Variants in KCNH1 observed in about 807,000 individuals in gnomAD.
The protein encoded by KCNH1 is voltage-gated delayed rectifier potassium channel KCNH1.
In KCNH1, 27 loss-of-function variants were observed where a neutral mutation model predicts 69.2. The observed-to-expected ratio is 0.39, with a 90% CI of 0.29 to 0.54. KCNH1 has a LOEUF of 0.54. Ranked by LOEUF, KCNH1 falls within the 20% of genes least tolerant of loss-of-function variation. The pLI is 0.68. For synonymous variants in KCNH1, 456 were observed against 487.7 expected (o/e 0.93, Z 0.86); for missense variants, 798 against 1,261.6 (o/e 0.63, Z 5.57).
At chr1:211,028,805 G>C (rs529737121) in intron 5 of KCNH1, among the ~76,000 whole-genome samples, 1 of 151,868 alleles carries the variant, frequency 6.6e-6, no homozygotes. Context: ...AGGCCCAGAT[G>C]GTTTTAATAA....
At chr1:211,126,873 A>C (rs1242567321) in intron 1 of KCNH1, among the ~76,000 whole-genome samples, 1 of 152,158 alleles carries the variant, frequency 6.6e-6, no homozygotes, top group African/African-American at 2.4e-5. Flanking sequence ...CCTCAACTGC[A>C]TCAGAACAAA....
chr1:210,710,253 A>G (rs1450089314), intron 10 of KCNH1, among the ~76,000 whole-genome samples: 2 of 152,198 alleles, frequency 1.3e-5, no homozygotes, highest in Non-Finnish European at 2.9e-5. Flanking sequence ...TGTATAGGGC[A>G]CTTAGCAAGA....
intron 6 of KCNH1, among the ~76,000 whole-genome samples, chr1:210,974,402 T>C (rs1215545005): frequency 6.6e-6 from 1 of 152,102 alleles, no homozygotes; most frequent in Admixed American, 6.6e-5. Flanking sequence ...TAATTCTTTT[T>C]ACATGTTGCC....
intron 6 of KCNH1, among the ~76,000 whole-genome samples, chr1:210,940,499 G>C (rs1558533967): frequency 6.6e-6 from 1 of 152,212 alleles, no homozygotes; most frequent in Non-Finnish European, 1.5e-5. Context: ...AAATGGGATA[G>C]CTTGCAACCT....
chr1:210,889,098 CA>C (rs1019171791), intron 7 of KCNH1, among the ~76,000 whole-genome samples: 2 of 151,910 alleles, frequency 1.3e-5, no homozygotes, highest in East Asian at 1.9e-4. Flanking sequence ...AGAGACACAA[CA>C]AAAAAAGAAA....
At chr1:210,943,181 T>C (rs1328359767) in intron 6 of KCNH1, among the ~76,000 whole-genome samples, 1 of 152,130 alleles carries the variant, frequency 6.6e-6, no homozygotes, top group African/African-American at 2.4e-5. Context: ...ATCAGACTTT[T>C]GAAAACAAAC....
At chr1:210,796,072 G>A (rs1047906168) in intron 9 of KCNH1, among the ~76,000 whole-genome samples, 5 of 150,380 alleles carry the variant, frequency 3.3e-5, no homozygotes, top group East Asian at 2.0e-4. Context: ...GGAGAATGGC[G>A]TGAACCTGGA....
intron 7 of KCNH1, chr1:210,860,505 G>T: frequency 1.2e-6 from 1 of 841,092 alleles, no homozygotes; most frequent in Non-Finnish European, 2.1e-6. Flanking sequence ...GCCCTGTCTG[G>T]ATTACTTGGC....
intron 1 of KCNH1, among the ~76,000 whole-genome samples, chr1:211,110,761 T>C (rs1330187684): frequency 6.6e-6 from 1 of 151,894 alleles, no homozygotes; most frequent in Non-Finnish European, 1.5e-5. Context: ...CAAAGATAAA[T>C]AAGAGAGTAA....
At chr1:210,718,329 T>G (rs1348843550) in intron 10 of KCNH1, among the ~76,000 whole-genome samples, 2 of 31,814 alleles carry the variant, frequency 6.3e-5, no homozygotes, top group East Asian at 1.1e-3. Context: ...TAAATATATA[T>G]AAATATATGT....
chr1:211,087,864 GA>G (rs1263315423), intron 4 of KCNH1, among the ~76,000 whole-genome samples: 1 of 152,134 alleles, frequency 6.6e-6, no homozygotes, highest in Non-Finnish European at 1.5e-5. Flanking sequence ...GGGGGCTCTG[GA>G]AGCATTTGCA....
chr1:210,968,836 G>A (rs931899283), intron 6 of KCNH1, among the ~76,000 whole-genome samples: 2 of 151,994 alleles, frequency 1.3e-5, no homozygotes, highest in East Asian at 1.9e-4. Flanking sequence ...CACTCTGATG[G>A]TAGTTTCTTG....
At chr1:210,889,806 G>T (rs1686705505) in intron 7 of KCNH1, among the ~76,000 whole-genome samples, 1 of 152,088 alleles carries the variant, frequency 6.6e-6, no homozygotes, top group Non-Finnish European at 1.5e-5. Context: ...ACTACAAAGA[G>T]AATAAAATAC....
intron 5 of KCNH1, among the ~76,000 whole-genome samples, chr1:211,041,712 T>A (rs905271234): frequency 6.6e-6 from 1 of 152,116 alleles, no homozygotes; most frequent in Non-Finnish European, 1.5e-5. Flanking sequence ...CTACCTAATC[T>A]GAACCCTTCT....
chr1:210,839,158 C>A (rs1190422361), intron 7 of KCNH1, among the ~76,000 whole-genome samples: 2 of 152,138 alleles, frequency 1.3e-5, no homozygotes, highest in Admixed American at 1.3e-4. Flanking sequence ...TGGAATCAAC[C>A]TGAATGTCCA....
intron 3 of KCNH1, among the ~76,000 whole-genome samples, chr1:211,100,500 C>T (rs532016925): frequency 3.2e-4 from 49 of 152,090 alleles, no homozygotes; most frequent in Non-Finnish European, 5.9e-4. Flanking sequence ...TACAGGCACC[C>T]GCCACCACAC....
At chr1:210,911,901 CT>C (rs766468341) in intron 7 of KCNH1, among the ~76,000 whole-genome samples, 6 of 152,186 alleles carry the variant, frequency 3.9e-5, no homozygotes, top group African/African-American at 7.2e-5. Flanking sequence ...CCACTGCCCT[CT>C]TTCCCTTCCT....
intron 10 of KCNH1, among the ~76,000 whole-genome samples, chr1:210,716,946 C>A (rs1682271191): frequency 6.6e-6 from 1 of 152,168 alleles, no homozygotes; most frequent in Non-Finnish European, 1.5e-5. Flanking sequence ...TCTGTGGGCC[C>A]TGGAAGAGGG....
intron 7 of KCNH1, among the ~76,000 whole-genome samples, chr1:210,832,479 G>T (rs1208610530): frequency 6.6e-6 from 1 of 152,122 alleles, no homozygotes; most frequent in African/African-American, 2.4e-5. Context: ...GAGGATTTAT[G>T]CCTCTCCAGA....
Sources: allele counts gnomAD v4.1 joint callset (sites outside exome capture counted in the v4.1 genomes callset), GRCh38; gene constraint gnomAD v4.1.1; transcripts MANE v1.5; gene names NCBI Gene and HGNC (gene_info 2026-07-23, HGNC 2026-07-21).